Variants in DOCK8 observed in about 807,000 individuals in gnomAD.
The protein encoded by DOCK8 is dedicator of cytokinesis 8, also known as dedicator of cytokinesis protein 8.
A neutral mutation model predicts 245.6 loss-of-function variants in DOCK8; 141 were observed. The ratio of observed to expected loss-of-function variants is 0.57; its 90% CI spans 0.50 to 0.66. The LOEUF is 0.66. DOCK8 is among the 30% of genes least tolerant of loss of function. The pLI is 0.00. For synonymous variants in DOCK8, 1,168 were observed against 970.2 expected, an observed-to-expected ratio of 1.20 and a Z score of -3.79; for missense variants, 2,965 against 2,603.4, an observed-to-expected ratio of 1.14 and a Z score of -3.02.
chr9:452,132 G>C lies in DOCK8; in HGVS notation c.6068+15G>C. On this transcript the variant is annotated intron_variant, in intron 46 of 47. Coordinates refer to ENST00000432829, the MANE Select transcript of DOCK8 (RefSeq NM_203447.4). Reference sequence around the variant, plus strand: ...TTCATCATGAGGTAAGAAGGAAAATGGCTGGGAATTTCAGTAGAGCAGTGG... The same window carrying C: ...TTCATCATGAGGTAAGAAGGAAAATCGCTGGGAATTTCAGTAGAGCAGTGG... 6.4e-7 allele frequency: 1 copy of C among 1,558,070 alleles called. No individual in the cohort carries two copies. The highest frequency in any genetic ancestry group is 1.7e-4 in the Middle Eastern group (1 of 5,940).
chr9:455,824 T>C (rs2057621506), intron 46 of DOCK8, among the ~76,000 whole-genome samples: 1 of 150,230 alleles, frequency 6.7e-6, no homozygotes, highest in Non-Finnish European at 1.5e-5. Context: ...AAAGAAGTTG[T>C]AAATCTCAAT....
At chr9:390,617 A>C in intron 24 of DOCK8, 51 bp downstream of exon 24, 2 of 1,560,462 alleles carry the variant, frequency 1.3e-6, no homozygotes. Flanking sequence ...AGAGAAGCAC[A>C]CAGCAGAAAG....
Position 355,098 on chromosome 9 carries a change from G to A in DOCK8, c.1680-12920G>A, listed in dbSNP as rs145581115. 4.6e-5 allele frequency among the ~76,000 whole-genome samples: 7 copies of A among 152,126 alleles called. No homozygotes were observed. In the East Asian group the frequency reaches 9.7e-4, roughly 21 times the overall value. Reference sequence around the variant, plus strand: ...ACTGGGAGGAATATGGGGGTAGGAGGGTGACAGGGAGGGCAGGTTAATTTT... The same window carrying A: ...ACTGGGAGGAATATGGGGGTAGGAGAGTGACAGGGAGGGCAGGTTAATTTT... On this transcript the variant is annotated intron_variant, in intron 14 of 47. Transcript: ENST00000432829.
intron 10 of DOCK8, among the ~76,000 whole-genome samples, 177 bp from the exon 11 acceptor site, chr9:334,048 C>CTT (rs3028563): frequency 4.5e-5 from 2 of 44,688 alleles, no homozygotes. Context: ...ATCAGCTAGA[C>CTT]CCAAGTGCAT....
intron 33 of DOCK8, among the ~76,000 whole-genome samples, chr9:426,510 T>G (rs796109808): frequency 4.6e-5 from 7 of 152,310 alleles, no homozygotes; most frequent in African/African-American, 1.7e-4. Context: ...CTTACTCAGA[T>G]CTAGCAATGG....
At chr9:439,202 C>T (rs1340177129) in intron 39 of DOCK8, 43 bp from the exon 40 acceptor site, 1 of 1,613,872 alleles carries the variant, frequency 6.2e-7, no homozygotes, top group Non-Finnish European at 8.5e-7. Flanking sequence ...TCTTACTAGT[C>T]TGGTCGCCCT....
intron 43 of DOCK8, 98 bp downstream of exon 43, chr9:443,614 T>G: frequency 1.0e-6 from 1 of 973,482 alleles, no homozygotes; most frequent in Non-Finnish European, 1.6e-6. Flanking sequence ...ACTCTCCAAG[T>G]CACTTAAATG....
intron 46 of DOCK8, among the ~76,000 whole-genome samples, chr9:455,372 A>G (rs563196524): frequency 3.5e-4 from 54 of 152,154 alleles, no homozygotes; most frequent in South Asian, 2.1e-3. Context: ...CAAGCGTGGT[A>G]GTGGTGTGTG....
intron 1 of DOCK8, among the ~76,000 whole-genome samples, chr9:230,926 G>T (rs62531262): frequency 0.078 from 11,725 of 150,670 alleles, 511 homozygotes; most frequent in African/African-American, 0.13. Flanking sequence ...TTTGTCAATT[G>T]TGGCTTTTGT....
intron 31 of DOCK8, 49 bp from the exon 32 acceptor site, chr9:420,900 A>G (rs1263640146): frequency 1.2e-6 from 2 of 1,612,032 alleles, no homozygotes; most frequent in Non-Finnish European, 1.7e-6. Context: ...TCTCCCCATC[A>G]ACGGAGATCT....
chr9:420,102 G>C (rs1263251122), intron 30 of DOCK8: 2 of 457,414 alleles, frequency 4.4e-6, no homozygotes, highest in African/African-American at 4.0e-5. Context: ...AGGCCCAGGG[G>C]TGATCACCAG....
At chr9:334,541 T>G (rs573121265) in intron 11 of DOCK8, among the ~76,000 whole-genome samples, 157 bp downstream of exon 11, 1 of 152,284 alleles carries the variant, frequency 6.6e-6, no homozygotes, top group African/African-American at 2.4e-5. Context: ...CTGGATTACG[T>G]AGATTTGGAC....
chr9:249,461 A>G (rs1265703070), intron 1 of DOCK8, among the ~76,000 whole-genome samples: 1 of 152,114 alleles, frequency 6.6e-6, no homozygotes, highest in Non-Finnish European at 1.5e-5. Flanking sequence ...AATAACTGGC[A>G]TTTCTTCTTC....
chr9:368,221 A>G, intron 15 of DOCK8, 86 bp downstream of exon 15: 1 of 1,144,188 alleles, frequency 8.7e-7, no homozygotes. Context: ...TCATCAGTGT[A>G]CAAAGTCCGT....
intron 2 of DOCK8, among the ~76,000 whole-genome samples, chr9:281,261 G>C (rs1048407759): frequency 6.9e-5 from 10 of 144,008 alleles, no homozygotes; most frequent in African/African-American, 2.6e-4. Flanking sequence ...AAAAAAAAAA[G>C]TAGTTTTGGT....
intron 1 of DOCK8, among the ~76,000 whole-genome samples, chr9:219,528 C>T (rs2479319): frequency 0.53 from 80,571 of 151,870 alleles, 22,100 homozygotes; most frequent in East Asian, 0.74. Flanking sequence ...ATAATCATCA[C>T]CAGAGAGTGA....
chr9:304,508 T>G, intron 4 of DOCK8, 73 bp from the exon 5 acceptor site: 2 of 1,599,074 alleles, frequency 1.3e-6, no homozygotes, highest in Non-Finnish European at 1.7e-6. Context: ...AGCCATTACT[T>G]TTATTTTTAA....
In DOCK8 at chr9:312,102, A is replaced by G; in HGVS notation, c.677A>G (p.Asn226Ser). ...AGTGCCGAGGACTTTGAGAAGCAGA[A>G]CGAGGAGGCCCGGAGGACCAATAGG... Reference protein sequence around the residue: ...QVSAEDFEKQNEEARRTNRQA... With the variant: ...QVSAEDFEKQSEEARRTNRQA... Residue 226 changes from asparagine to serine, a missense_variant, in exon 6 of 48, where the codon AAC (asparagine) becomes AGC (serine). Coordinates refer to ENST00000432829, the MANE Select transcript of DOCK8 (RefSeq NM_203447.4). 4 of 1,614,240 alleles carry G rather than the reference A, an allele frequency of 2.5e-6. No individual in the cohort carries two copies. The highest frequency in any genetic ancestry group is 3.4e-6 in the Non-Finnish European group (4 of 1,180,034).
chr9:394,165 C>G (rs1177435289), intron 24 of DOCK8, among the ~76,000 whole-genome samples: 1 of 152,182 alleles, frequency 6.6e-6, no homozygotes, highest in East Asian at 1.9e-4. Context: ...CTCCTGTTGG[C>G]CAACTCCAAC....
Sources: allele counts gnomAD v4.1 joint callset (sites outside exome capture counted in the v4.1 genomes callset), GRCh38; gene constraint gnomAD v4.1.1; transcripts MANE v1.5; gene names NCBI Gene and HGNC (gene_info 2026-07-23, HGNC 2026-07-21).